FGD5: variants seen among roughly 807,000 people sequenced by gnomAD.
The protein encoded by FGD5 is FYVE, RhoGEF and PH domain containing 5, also known as FYVE, RhoGEF and PH domain-containing protein 5.
Under a neutral mutation model 133.4 loss-of-function variants are expected in FGD5, and 28 were observed. That is an observed-to-expected ratio of 0.21 (90% confidence interval 0.16 to 0.29). The LOEUF (loss-of-function observed/expected upper bound fraction) is 0.29. Among genes scored for constraint, FGD5 ranks in the 10% least tolerant of loss-of-function variants. The pLI is 1.00. For missense variants in FGD5, 1,858 were observed against 1,895.2 expected, an observed-to-expected ratio of 0.98 and a Z score of 0.36; for synonymous variants, 810 against 776.5, an observed-to-expected ratio of 1.04 and a Z score of -0.72.
At chr3:14,870,623 G>C (rs547240937) in intron 2 of FGD5, among the ~76,000 whole-genome samples, 3 of 152,266 alleles carry the variant, frequency 2.0e-5, no homozygotes, top group African/African-American at 7.2e-5. Flanking sequence ...ACCGCCCCCA[G>C]ACCCCATCCT....
intron 1 of FGD5, among the ~76,000 whole-genome samples, chr3:14,827,726 C>G (rs2036627967): frequency 1.3e-5 from 2 of 152,260 alleles, no homozygotes; most frequent in Non-Finnish European, 2.9e-5. Context: ...ATGTCTTTCC[C>G]TCCTGCAGGC....
intron 1 of FGD5, among the ~76,000 whole-genome samples, chr3:14,856,806 T>C (rs1347099598): frequency 1.3e-5 from 2 of 152,218 alleles, no homozygotes; most frequent in Middle Eastern, 6.3e-3. Flanking sequence ...GTTTTCTATA[T>C]ATAAGATTAT....
At chr3:14,860,255 C>T (rs1439431767) in intron 1 of FGD5, among the ~76,000 whole-genome samples, 1 of 152,178 alleles carries the variant, frequency 6.6e-6, no homozygotes, top group Non-Finnish European at 1.5e-5. Context: ...CCAATGGCCC[C>T]ATCAATGAGT....
intron 1 of FGD5, among the ~76,000 whole-genome samples, chr3:14,858,782 G>T (rs181114699): frequency 6.6e-6 from 1 of 152,278 alleles, no homozygotes; most frequent in East Asian, 1.9e-4. Context: ...TTTCCCCAAG[G>T]GAAGACGTGG....
intron 1 of FGD5, among the ~76,000 whole-genome samples, chr3:14,823,325 C>T (rs1218881408): frequency 2.0e-5 from 3 of 152,152 alleles, no homozygotes; most frequent in African/African-American, 4.8e-5. Flanking sequence ...ACAGGGAACC[C>T]GTCACTCCCA....
At chr3:14,857,988 GC>G (rs2037318530) in intron 1 of FGD5, among the ~76,000 whole-genome samples, 2 of 151,356 alleles carry the variant, frequency 1.3e-5, no homozygotes, top group African/African-American at 4.9e-5. Context: ...AAGTGGCACA[GC>G]TGGGATTCCA....
intron 1 of FGD5, among the ~76,000 whole-genome samples, chr3:14,858,888 A>T (rs1010472693): frequency 5.3e-5 from 8 of 152,204 alleles, no homozygotes; most frequent in Admixed American, 5.2e-4. Context: ...CCTGTGTATA[A>T]TCAACCTCGT....
intron 18 of FGD5, chr3:14,931,681 G>A (rs775104688): frequency 1.3e-4 from 20 of 152,208 alleles, no homozygotes; most frequent in Non-Finnish European, 2.8e-4. Flanking sequence ...CACTATGTGT[G>A]TAAGATCCAT....
chr3:14,902,908 C>G (rs564546863), intron 9 of FGD5, among the ~76,000 whole-genome samples: 1 of 152,146 alleles, frequency 6.6e-6, no homozygotes, highest in South Asian at 2.1e-4. Context: ...CCGGAGCAGC[C>G]GACGGCCAGA....
At chr3:14,896,095 A>G (rs2038132108) in intron 4 of FGD5, among the ~76,000 whole-genome samples, 1 of 152,246 alleles carries the variant, frequency 6.6e-6, no homozygotes, top group African/African-American at 2.4e-5. Flanking sequence ...AAAGATCTGT[A>G]CAAGGAAAAC....
intron 1 of FGD5, among the ~76,000 whole-genome samples, chr3:14,845,440 C>T (rs1379044818): frequency 6.6e-6 from 1 of 152,198 alleles, no homozygotes; most frequent in Non-Finnish European, 1.5e-5. Flanking sequence ...TGAATACCTC[C>T]TGGGGCAGGG....
At chr3:14,824,413 G>T (rs1188807690) in intron 1 of FGD5, among the ~76,000 whole-genome samples, 1 of 152,124 alleles carries the variant, frequency 6.6e-6, no homozygotes, top group African/African-American at 2.4e-5. Context: ...ATGAGAGGGT[G>T]GGGAGGCAGT....
chr3:14,927,657 C>G (rs2038830275), intron 18 of FGD5, among the ~76,000 whole-genome samples: 1 of 152,180 alleles, frequency 6.6e-6, no homozygotes, highest in Non-Finnish European at 1.5e-5. Context: ...CTGTGCACCC[C>G]TATCATGTAC....
chr3:14,832,501 G>A (rs1041378314), intron 1 of FGD5, among the ~76,000 whole-genome samples: 1 of 152,214 alleles, frequency 6.6e-6, no homozygotes, highest in Non-Finnish European at 1.5e-5. Flanking sequence ...CAGGCTCTCA[G>A]CTCTGCTGTG....
chr3:14,854,213 T>C lies in FGD5; in HGVS notation c.2526-9915T>C, dbSNP rs937204240. ...ATTCTGGGCTACTTGGTCACTAAAC[T>C]TAAAATGCTGACCACCTGGCCCTTT... On this transcript the variant is annotated intron_variant, in intron 1 of 19. Coordinates refer to ENST00000285046, the MANE Select transcript of FGD5 (RefSeq NM_152536.4). 4.6e-5 allele frequency among the ~76,000 whole-genome samples: 7 copies of C among 152,164 alleles called. No individual in the cohort carries two copies. In the South Asian group the frequency reaches 1.5e-3, roughly 32 times the overall value.
At chr3:14,920,969 C>T (rs1016359426) in intron 13 of FGD5, among the ~76,000 whole-genome samples, 2 of 152,226 alleles carry the variant, frequency 1.3e-5, no homozygotes, top group Admixed American at 6.5e-5. Context: ...GTGGCCTCAC[C>T]TCTCCTTGTG....
At chr3:14,844,218 ATATATATATATATATATATATATAT>A (rs1450879756) in intron 1 of FGD5, among the ~76,000 whole-genome samples, 512 of 21,686 alleles carry the variant, frequency 0.024, 76 homozygotes, top group African/African-American at 0.061. Context: ...AAAAAAAAAA[ATATATATATATATATATATATATAT>A]ATATATATAT....
chr3:14,907,498 T>G (rs1383690365), intron 9 of FGD5, 142 bp from the exon 10 acceptor site: 7 of 687,404 alleles, frequency 1.0e-5, no homozygotes, highest in Non-Finnish European at 1.7e-5. Context: ...CAGTCCTGCC[T>G]TGTACAGGAG....
At chr3:14,870,534 C>G (rs1363227437) in intron 2 of FGD5, among the ~76,000 whole-genome samples, 1 of 152,210 alleles carries the variant, frequency 6.6e-6, no homozygotes, top group African/African-American at 2.4e-5. Context: ...GCTTGCCTGA[C>G]AGTCCTCTCC....
Sources: gnomAD v4.1 joint callset for allele counts (sites outside exome capture counted in the v4.1 genomes callset) on GRCh38, gnomAD v4.1.1 for gene constraint, MANE v1.5 for transcripts, NCBI Gene and HGNC (gene_info 2026-07-23, HGNC 2026-07-21) for gene names.